The following ZFHX3 variants were observed in gnomAD, a reference collection of about 807,000 sequenced individuals.
The protein encoded by ZFHX3 is zinc finger homeobox 3.
In ZFHX3, 42 loss-of-function variants were observed where a neutral mutation model predicts 279.1. The observed-to-expected ratio is 0.15, with a 90% CI of 0.12 to 0.19. ZFHX3 has a LOEUF of 0.19. Ranked by LOEUF, ZFHX3 falls within the 10% of genes least tolerant of loss-of-function variation. The pLI, the probability that ZFHX3 is intolerant of heterozygous loss-of-function variation, is 1.00. For synonymous variants in ZFHX3, 2,293 were observed against 1,957.8 expected (o/e 1.17, Z -4.52); for missense variants, 4,981 against 4,754.0 (o/e 1.05, Z -1.40).
At chr16:73,077,936 CT>C in intron 8 of ZFHX3, among the ~76,000 whole-genome samples, 1 of 152,304 alleles carries the variant, frequency 6.6e-6, no homozygotes, top group Middle Eastern at 3.4e-3. Context: ...TCCCGAGGAG[CT>C]AGGATTACAG....
chr16:72,807,945 A>G (rs908529215), intron 7 of ZFHX3: 3 of 152,146 alleles, frequency 2.0e-5, no homozygotes, highest in Non-Finnish European at 4.4e-5. Flanking sequence ...TGACCGTAGA[A>G]CTGGCCATTC....
At chr16:73,570,243 G>A (rs187834011) in intron 2 of ZFHX3, among the ~76,000 whole-genome samples, 141 of 152,264 alleles carry the variant, frequency 9.3e-4, no homozygotes, top group African/African-American at 3.1e-3. Context: ...TAGGATTCCC[G>A]ACACAAATGC....
chr16:73,672,159 A>G (rs972757207), intron 2 of ZFHX3, among the ~76,000 whole-genome samples: 3 of 152,180 alleles, frequency 2.0e-5, no homozygotes, highest in African/African-American at 7.2e-5. Context: ...AATCAATTAG[A>G]AAAACACCAT....
At chr16:73,623,038 T>C (rs578027133) in intron 2 of ZFHX3, among the ~76,000 whole-genome samples, 4,302 of 76,522 alleles carry the variant, frequency 0.056, 180 homozygotes, top group African/African-American at 0.13. Context: ...GGGCACATTG[T>C]ATTTTTTTTT....
Position 72,787,402 on chromosome 16 carries a change from G to A in ZFHX3, c.10874C>T (p.Ser3625Leu), listed in dbSNP as rs578203724. ...AGGAAAAGAAGGGGGCTTCGCTGCC[G>A]AAGCCCGGGAGACCACTTGCGGCCA... ...KSWPQVVSRA[S>L]AAKPPSFPPL... Residue 3625 changes from serine (S) to leucine (L), a missense_variant, in exon 10 of 10, where the codon TCG becomes TTG. Ser to Leu is a moderately radical substitution (Grantham distance 145). This residue lies in a region of ZFHX3 where 1,034 missense variants were observed against 786.0 expected (regional missense o/e 1.32). Transcript: ENST00000268489. 3.0e-5 allele frequency: 48 copies of A among 1,595,716 alleles called. No individual in the cohort carries two copies. The East Asian group carries it at 5.0e-4, about 17-fold the overall frequency.
intron 1 of ZFHX3, among the ~76,000 whole-genome samples, chr16:73,031,287 GA>G (rs397854694): frequency 6.6e-6 from 1 of 152,154 alleles, no homozygotes; most frequent in Non-Finnish European, 1.5e-5. Context: ...GGCGGGGGGG[GA>G]AGTAAACATT....
At chr16:72,886,148 C>G (rs1466419148) in intron 4 of ZFHX3, among the ~76,000 whole-genome samples, 1 of 152,124 alleles carries the variant, frequency 6.6e-6, no homozygotes, top group Non-Finnish European at 1.5e-5. Flanking sequence ...TAAAGTGGTT[C>G]CTAAAACGGA....
intron 3 of ZFHX3, among the ~76,000 whole-genome samples, chr16:73,427,804 G>T (rs111911883): frequency 1.3e-5 from 2 of 151,914 alleles, no homozygotes; most frequent in East Asian, 1.9e-4. Context: ...TTAGCTGGGC[G>T]TGGTGGCGCA....
chr16:73,144,885 T>G (rs1279524671), intron 5 of ZFHX3, among the ~76,000 whole-genome samples: 1 of 152,194 alleles, frequency 6.6e-6, no homozygotes, highest in Non-Finnish European at 1.5e-5. Flanking sequence ...TAATCCATAT[T>G]TCAACCTAAC....
At chr16:72,790,916 C>A (rs950354928) in intron 9 of ZFHX3, 1 of 152,178 alleles carries the variant, frequency 6.6e-6, no homozygotes, top group Non-Finnish European at 1.5e-5. Context: ...AACTGATGGT[C>A]TATATAAGAG....
chr16:73,437,460 G>A (rs1027865615), intron 3 of ZFHX3, among the ~76,000 whole-genome samples: 24 of 152,066 alleles, frequency 1.6e-4, no homozygotes, highest in African/African-American at 5.5e-4. Context: ...AAATTGAAGC[G>A]TATCCCTTCA....
At chr16:73,066,880 C>A (rs1334339136) in intron 8 of ZFHX3, among the ~76,000 whole-genome samples, 1 of 152,170 alleles carries the variant, frequency 6.6e-6, no homozygotes, top group African/African-American at 2.4e-5. Flanking sequence ...TCCCCCCAGC[C>A]CCGCGGGATA....
chr16:72,958,758 G>T lies in ZFHX3; in HGVS notation c.1388C>A (p.Ala463Glu), dbSNP rs527536496. Residue 463 changes from alanine to glutamate, a missense_variant, in exon 2 of 10, where the codon GCG becomes GAG. Physicochemically the swap from Ala to Glu is moderately radical, Grantham distance 107. Coordinates refer to ENST00000268489, the MANE Select transcript of ZFHX3 (RefSeq NM_006885.4). ...CTCTTCCTCCTCCTCTTCCTCCTCC[G>T]CCTCCTCTTCGGCTGGCTCTACCTT... ...SEKVEPAEEEAEEEEEEEEAE... is the reference protein window; with the variant it reads ...SEKVEPAEEEEEEEEEEEEAE... The T allele has an allele frequency of 1.7e-5, 27 of 1,612,034 alleles. No homozygotes were observed. Among genetic ancestry groups the T allele is most frequent in the Non-Finnish European group, 2.2e-5 (26 of 1,179,560 alleles).
intron 2 of ZFHX3, among the ~76,000 whole-genome samples, chr16:73,614,034 T>C (rs949309457): frequency 6.6e-6 from 1 of 152,244 alleles, no homozygotes; most frequent in Non-Finnish European, 1.5e-5. Flanking sequence ...CTCCATCTTC[T>C]GCTGCCTGAA....
At chr16:73,848,949 G>A (rs188699158) in intron 1 of ZFHX3, among the ~76,000 whole-genome samples, 1 of 152,158 alleles carries the variant, frequency 6.6e-6, no homozygotes, top group Non-Finnish European at 1.5e-5. Context: ...AAATTCCCAA[G>A]GGTTTTCTTT....
rs544846307 is a variant in ZFHX3, at chr16:73,558,086, A to G, written c.-1546-101828T>C. ...TTAAAGGAAGAGAGAACAGCAGTTTATGAAGATGTCCCAGGACAAGACTGA... is the reference window on the plus strand; with the variant it reads ...TTAAAGGAAGAGAGAACAGCAGTTTGTGAAGATGTCCCAGGACAAGACTGA... On this transcript the variant is annotated intron_variant, in intron 2 of 17. Transcript: ENST00000641206. Among the ~76,000 whole-genome samples the G allele has an allele frequency of 1.1e-3, 168 of 152,334 alleles. 1 individual carries two copies. Among genetic ancestry groups the G allele is most frequent in the Non-Finnish European group, 1.5e-3 (103 of 68,038 alleles).
chr16:73,462,991 C>T (rs758635240), intron 2 of ZFHX3, among the ~76,000 whole-genome samples: 7 of 152,218 alleles, frequency 4.6e-5, no homozygotes, highest in Non-Finnish European at 8.8e-5. Flanking sequence ...GGTGTTAATG[C>T]TTCTTTATAT....
rs74028427 is a variant in ZFHX3 at position 73,697,181 on chromosome 16, T to C, written c.-1607-16941A>G. On this transcript the variant is annotated intron_variant, in intron 1 of 17. Transcript: ENST00000641206. ...GTTTATTTCAAGACAAATGATTCCA[T>C]GGCATTAGGAAAACATCTATCATGA... Among the ~76,000 whole-genome samples the C allele has an allele frequency of 1.2e-3, 182 of 151,788 alleles. 2 individuals carry two copies. Among genetic ancestry groups the C allele is most frequent in the African/African-American group, 4.3e-3 (177 of 41,426 alleles).
At chr16:72,922,644 C>T (rs1429320643) in intron 3 of ZFHX3, among the ~76,000 whole-genome samples, 1 of 152,156 alleles carries the variant, frequency 6.6e-6, no homozygotes, top group Admixed American at 6.5e-5. Flanking sequence ...ATGGAACGAC[C>T]GTCACTCCCA....
Sources: gnomAD v4.1 joint callset for allele counts (sites outside exome capture counted in the v4.1 genomes callset) on GRCh38, gnomAD v4.1.1 for gene constraint, gnomAD v4.1.1 regional missense constraint, MANE v1.5 for transcripts, NCBI Gene and HGNC (gene_info 2026-07-23, HGNC 2026-07-21) for gene names.